The following EHBP1 variants were observed in gnomAD, a reference collection of about 807,000 sequenced individuals.
The protein encoded by EHBP1 is EH domain-binding protein 1.
In EHBP1, 55 loss-of-function variants were observed where a neutral mutation model predicts 144.0. That is an observed-to-expected ratio of 0.38 (90% CI 0.31 to 0.48). EHBP1 has a LOEUF of 0.48. EHBP1 is among the 20% of genes least tolerant of loss of function. The pLI is 0.98. For missense variants in EHBP1, 1,200 were observed against 1,364.2 expected, an observed-to-expected ratio of 0.88 and a Z score of 1.90; for synonymous variants, 469 against 472.7, an observed-to-expected ratio of 0.99 and a Z score of 0.10.
At chr2:62,839,729 C>T (rs181355924) in intron 7 of EHBP1, among the ~76,000 whole-genome samples, 35 of 152,180 alleles carry the variant, frequency 2.3e-4, no homozygotes, top group African/African-American at 7.2e-4. Flanking sequence ...GAGTCAACTC[C>T]CATTCACAAT....
chr2:62,938,554 A>C (rs961820324), intron 10 of EHBP1, among the ~76,000 whole-genome samples: 2 of 152,224 alleles, frequency 1.3e-5, no homozygotes, highest in African/African-American at 4.8e-5. Flanking sequence ...TACCGTTCAC[A>C]TGTAATCTGC....
intron 10 of EHBP1, among the ~76,000 whole-genome samples, chr2:62,886,169 TTCTG>T (rs2051913136): frequency 1.3e-5 from 2 of 152,200 alleles, no homozygotes; most frequent in African/African-American, 2.4e-5. Flanking sequence ...TTACCTCAAT[TTCTG>T]TCTGTGTAAA....
At chr2:62,947,146 G>A (rs2057116956) in intron 12 of EHBP1, among the ~76,000 whole-genome samples, 1 of 152,100 alleles carries the variant, frequency 6.6e-6, no homozygotes, top group Non-Finnish European at 1.5e-5. Flanking sequence ...CACACCAACT[G>A]AGTCATTCTC....
intron 5 of EHBP1, among the ~76,000 whole-genome samples, chr2:62,777,424 A>G (rs1383331383): frequency 6.6e-6 from 1 of 152,214 alleles, no homozygotes; most frequent in Non-Finnish European, 1.5e-5. Context: ...TGGATTTTCT[A>G]TATGCCCAGA....
chr2:62,768,692 A>C (rs1482926900), intron 4 of EHBP1, among the ~76,000 whole-genome samples: 2 of 152,184 alleles, frequency 1.3e-5, no homozygotes, highest in Non-Finnish European at 2.9e-5. Context: ...CCTAATAACA[A>C]AACCTGGCAG....
intron 2 of EHBP1, among the ~76,000 whole-genome samples, chr2:62,722,370 G>A (rs2036315405): frequency 6.6e-6 from 1 of 151,760 alleles, no homozygotes; most frequent in African/African-American, 2.4e-5. Flanking sequence ...TGATCCACCT[G>A]CCTTGGCCTC....
intron 8 of EHBP1, among the ~76,000 whole-genome samples, chr2:62,861,997 A>G (rs2049594475): frequency 6.6e-6 from 1 of 152,196 alleles, no homozygotes; most frequent in South Asian, 2.1e-4. Context: ...TTGGATAGGA[A>G]AAACTTTACA....
At chr2:62,845,255 C>A (rs2048208475) in intron 7 of EHBP1, among the ~76,000 whole-genome samples, 1 of 152,154 alleles carries the variant, frequency 6.6e-6, no homozygotes, top group Non-Finnish European at 1.5e-5. Flanking sequence ...CTATATAATT[C>A]ATTCAGAATC....
At chr2:62,891,041 G>C (rs2052417466) in intron 10 of EHBP1, among the ~76,000 whole-genome samples, 1 of 151,852 alleles carries the variant, frequency 6.6e-6, no homozygotes, top group Admixed American at 6.6e-5. Flanking sequence ...TGCTGGGCAT[G>C]GAGGCACGCA....
chr2:62,788,885 T>C (rs960711805), intron 5 of EHBP1, among the ~76,000 whole-genome samples: 2 of 152,246 alleles, frequency 1.3e-5, no homozygotes, highest in African/African-American at 4.8e-5. Flanking sequence ...GCCACTCATC[T>C]GTGCATGAAT....
At chr2:62,855,828 C>T (rs2049009177) in intron 7 of EHBP1, among the ~76,000 whole-genome samples, 1 of 152,086 alleles carries the variant, frequency 6.6e-6, no homozygotes, top group African/African-American at 2.4e-5. Context: ...AGAGGAGCAA[C>T]CCGTTCCAGG....
rs577014303 is a variant in EHBP1 at position 62,979,343 on chromosome 2, A to G, written c.2608+8A>G. The G allele has an allele frequency of 1.2e-6, 2 of 1,612,646 alleles. No homozygotes were observed. The highest frequency in any genetic ancestry group is 2.2e-5 in the East Asian group (1 of 44,804). On this transcript the variant is annotated splice_region_variant and intron_variant, in intron 15 of 22. Coordinates refer to ENST00000431489, the MANE Select transcript of EHBP1 (RefSeq NM_001142616.3). ...GGTCAAAGGCATCTGGAGGTGAGTT[A>G]AAGAATCTTCTATCATTCTACAGAC...
At chr2:62,961,836 C>T (rs1037528883) in intron 14 of EHBP1, among the ~76,000 whole-genome samples, 13 of 151,970 alleles carry the variant, frequency 8.6e-5, no homozygotes, top group South Asian at 8.3e-4. Context: ...TCAGGACCAG[C>T]GTGACCAACA....
At chr2:63,025,511 C>T (rs1396420844) in intron 19 of EHBP1, among the ~76,000 whole-genome samples, 1 of 152,218 alleles carries the variant, frequency 6.6e-6, no homozygotes, top group Non-Finnish European at 1.5e-5. Context: ...GATCCTGTCA[C>T]TTCGGCCATC....
intron 5 of EHBP1, among the ~76,000 whole-genome samples, chr2:62,778,054 G>T (rs547294733): frequency 2.0e-5 from 3 of 152,248 alleles, no homozygotes; most frequent in Middle Eastern, 3.4e-3. Flanking sequence ...GATCAGTGGG[G>T]TATCAAAATG....
intron 2 of EHBP1, among the ~76,000 whole-genome samples, chr2:62,713,533 G>C (rs1345727594): frequency 1.3e-5 from 2 of 152,012 alleles, no homozygotes; most frequent in Admixed American, 1.3e-4. Flanking sequence ...TCTGAGCCAC[G>C]GCACCTGGCC....
chr2:62,790,158 A>G (rs2043078471), intron 5 of EHBP1, among the ~76,000 whole-genome samples: 2 of 152,220 alleles, frequency 1.3e-5, no homozygotes, highest in South Asian at 2.1e-4. Context: ...GTCTTGTGAC[A>G]TTGAATGAAA....
chr2:62,949,149 C>A lies in EHBP1; in HGVS notation c.2303C>A (p.Ser768Ter). ...ACTTTAAATCATGCAGATCATTCATCAAAAATAGTCCAGGTAAGTGAGTTA... is the reference window on the plus strand; with the variant it reads ...ACTTTAAATCATGCAGATCATTCATAAAAAATAGTCCAGGTAAGTGAGTTA... ...RTTLNHADHS[S>*]KIVQHRLLSR... The change falls in exon 13 of 23, where the codon TCA (serine) becomes TAA (stop). Residue 768 changes from serine (S) to a stop codon, truncating the protein, a stop_gained. Transcript: ENST00000431489. LOFTEE classifies it high-confidence loss of function. The A allele has an allele frequency of 6.4e-7, 1 of 1,551,576 alleles. No homozygotes were observed. The highest frequency in any genetic ancestry group is 1.2e-5 in the South Asian group (1 of 80,184).
intron 14 of EHBP1, among the ~76,000 whole-genome samples, chr2:62,970,272 A>C (rs1279961889): frequency 6.6e-6 from 1 of 152,078 alleles, no homozygotes; most frequent in Non-Finnish European, 1.5e-5. Context: ...TTTTTTTAAA[A>C]AAATTTAGAT....
Sources: gnomAD v4.1 joint callset for allele counts (sites outside exome capture counted in the v4.1 genomes callset) on GRCh38, gnomAD v4.1.1 for gene constraint, MANE v1.5 for transcripts, NCBI Gene and HGNC (gene_info 2026-07-23, HGNC 2026-07-21) for gene names.